The following MYRFL variants were observed in gnomAD, a reference collection of about 807,000 sequenced individuals.
MYRFL encodes myelin regulatory factor-like protein.
In MYRFL, 88 loss-of-function variants were observed where a neutral mutation model predicts 109.4. The observed-to-expected ratio is 0.80, with a 90% CI of 0.68 to 0.96. MYRFL has a LOEUF of 0.96. Ranked by LOEUF, MYRFL falls within the 40% of genes least tolerant of loss-of-function variation. The pLI, the probability that MYRFL is intolerant of heterozygous loss-of-function variation, is 0.00. For missense variants in MYRFL, 957 were observed against 954.9 expected (o/e 1.00, Z -0.03); for synonymous variants, 324 against 320.9 (o/e 1.01, Z -0.10).
At chr12:69,841,205 C>G (rs1285741460) in intron 1 of MYRFL, among the ~76,000 whole-genome samples, 1 of 152,012 alleles carries the variant, frequency 6.6e-6, no homozygotes, top group African/African-American at 2.4e-5. Flanking sequence ...AGTACATGGC[C>G]CCATGCAGAT....
At chr12:69,854,052 G>A (rs949176770) in intron 1 of MYRFL, among the ~76,000 whole-genome samples, 2 of 152,234 alleles carry the variant, frequency 1.3e-5, no homozygotes, top group Non-Finnish European at 2.9e-5. Flanking sequence ...TCCAGCCTGG[G>A]CAACATTGAG....
At chr12:69,932,883 T>TTGTG (rs542667195) in intron 16 of MYRFL, among the ~76,000 whole-genome samples, 5 of 52,610 alleles carry the variant, frequency 9.5e-5, no homozygotes, top group African/African-American at 2.6e-4. Context: ...GTGTGTGTGT[T>TTGTG]TGTGTGTGTG....
intron 19 of MYRFL, among the ~76,000 whole-genome samples, chr12:69,942,768 A>T (rs889238060): frequency 5.3e-5 from 8 of 151,802 alleles, no homozygotes; most frequent in Non-Finnish European, 1.2e-4. Flanking sequence ...AGATGACATG[A>T]TTGTATATCT....
chr12:69,860,651 C>T (rs1207056623), intron 2 of MYRFL, among the ~76,000 whole-genome samples: 1 of 151,702 alleles, frequency 6.6e-6, no homozygotes, highest in African/African-American at 2.4e-5. Context: ...CCTTTCCTGC[C>T]CTCTTTTAAA....
At chr12:69,864,474 C>A (rs1485494352) in intron 2 of MYRFL, among the ~76,000 whole-genome samples, 2 of 152,146 alleles carry the variant, frequency 1.3e-5, no homozygotes, top group African/African-American at 4.8e-5. Flanking sequence ...TACCCCTACC[C>A]TCCTAAGACA....
rs1025668689 is a variant in MYRFL, at chr12:69,958,731, G to A, written c.*200G>A. On this transcript the variant is annotated 3_prime_UTR_variant, in exon 25 of 25. Transcript: ENST00000552032. ...AATGTTTGCTGAAACTTGAAATAAT[G>A]TGATGTTTGATTTTGCCATGACTAT... 6 of 518,764 alleles carry A rather than the reference G, an allele frequency of 1.2e-5. No homozygotes were observed. The highest frequency in any genetic ancestry group is 7.9e-5 in the African/African-American group (4 of 50,662). 32.1% of individuals were successfully genotyped at this position (518,764 alleles called of 1,614,324 possible). A position where few individuals can be genotyped will look rare whatever the true frequency, so the allele number is the denominator to read the frequency against.
intron 16 of MYRFL, among the ~76,000 whole-genome samples, chr12:69,934,544 G>A (rs1002729555): frequency 1.3e-5 from 2 of 152,190 alleles, no homozygotes; most frequent in Non-Finnish European, 2.9e-5. Flanking sequence ...ACCCATGCTC[G>A]GTGAGTCCCA....
At chr12:69,906,071 T>C (rs1303905305) in intron 11 of MYRFL, among the ~76,000 whole-genome samples, 1 of 152,240 alleles carries the variant, frequency 6.6e-6, no homozygotes, top group Non-Finnish European at 1.5e-5. Context: ...GATGAGCTGC[T>C]ACAAAATGTA....
At chr12:69,938,276 C>T (rs1259257724) in intron 19 of MYRFL, among the ~76,000 whole-genome samples, 12 of 152,168 alleles carry the variant, frequency 7.9e-5, no homozygotes, top group African/African-American at 2.4e-4. Context: ...ACTTTGGGAG[C>T]CCATGCTGGA....
intron 10 of MYRFL, among the ~76,000 whole-genome samples, chr12:69,898,707 C>T (rs184375211): frequency 2.0e-5 from 3 of 152,316 alleles, no homozygotes; most frequent in East Asian, 3.9e-4. Context: ...CAGTACTCTC[C>T]GGAGCTGTAT....
At chr12:69,940,097 G>T (rs1278269765) in intron 19 of MYRFL, among the ~76,000 whole-genome samples, 4,660 of 151,450 alleles carry the variant, frequency 0.031, 239 homozygotes, top group African/African-American at 0.11. Context: ...GAAAGTGATG[G>T]GGAGAATGGA....
At chr12:69,888,477 A>G (rs143780844) in intron 6 of MYRFL, among the ~76,000 whole-genome samples, 60 of 152,342 alleles carry the variant, frequency 3.9e-4, no homozygotes, top group East Asian at 1.3e-3. Context: ...TTATGTTTCA[A>G]TGCTATCAAA....
chr12:69,916,101 T>C (rs1321296308), intron 13 of MYRFL, among the ~76,000 whole-genome samples: 1 of 151,786 alleles, frequency 6.6e-6, no homozygotes, highest in African/African-American at 2.4e-5. Flanking sequence ...ATTGATTCTA[T>C]TTTTTTTAAT....
chr12:69,880,376 C>A, intron 5 of MYRFL, 84 bp downstream of exon 5: 2 of 648,328 alleles, frequency 3.1e-6, no homozygotes, highest in East Asian at 5.5e-5. Flanking sequence ...CTTTGAGCAG[C>A]CCTGCAAAAG....
At chr12:69,836,211 CT>C (rs930935486) in intron 1 of MYRFL, among the ~76,000 whole-genome samples, 5 of 152,220 alleles carry the variant, frequency 3.3e-5, no homozygotes, top group African/African-American at 9.6e-5. Flanking sequence ...GTCCATTCCT[CT>C]TGACGTCCAG....
intron 8 of MYRFL, 149 bp downstream of exon 8, chr12:69,893,989 ATT>A (rs60637559): frequency 0.16 from 18,290 of 112,588 alleles, 665 homozygotes; most frequent in Middle Eastern, 0.21. Flanking sequence ...AATAATGTTA[ATT>A]TTTTTTTTTT....
chr12:69,844,724 T>C (rs1390125277), intron 1 of MYRFL, among the ~76,000 whole-genome samples: 2 of 152,196 alleles, frequency 1.3e-5, no homozygotes, highest in Non-Finnish European at 2.9e-5. Flanking sequence ...GTAGTATTGA[T>C]GGACACCTCC....
At chr12:69,916,114 T>C (rs1468954489) in intron 13 of MYRFL, among the ~76,000 whole-genome samples, 4 of 152,108 alleles carry the variant, frequency 2.6e-5, no homozygotes, top group Non-Finnish European at 5.9e-5. Flanking sequence ...TTTTTAATCA[T>C]AATGTACCAG....
rs1956150818 is a variant in MYRFL at position 69,958,677 on chromosome 12, C to A, written c.*146C>A. 2 of 610,250 alleles carry A rather than the reference C, an allele frequency of 3.3e-6. No homozygotes were observed. The highest frequency in any genetic ancestry group is 5.7e-5 in the East Asian group (2 of 35,322). The allele number at this position is 610,250 out of a possible 1,614,324, so 37.8% of individuals were successfully genotyped here. Reference sequence around the variant, plus strand: ...GACTTTTTCAGGCTTTAGCTTCCAACAGTTTTGAGACATTAATGAGGAGAA... The same window carrying A: ...GACTTTTTCAGGCTTTAGCTTCCAAAAGTTTTGAGACATTAATGAGGAGAA... On this transcript the variant is annotated 3_prime_UTR_variant, in exon 25 of 25. Transcript: ENST00000552032.
Sources: allele counts gnomAD v4.1 joint callset (sites outside exome capture counted in the v4.1 genomes callset), GRCh38; gene constraint gnomAD v4.1.1; transcripts MANE v1.5; gene names NCBI Gene and HGNC (gene_info 2026-07-23, HGNC 2026-07-21).